SLC6A15: variants seen among roughly 807,000 people sequenced by gnomAD.
SLC6A15 encodes solute carrier family 6 member 15.
A neutral mutation model predicts 68.5 loss-of-function variants in SLC6A15; 33 were observed. The observed-to-expected ratio is 0.48, with a 90% CI of 0.37 to 0.64. The LOEUF (loss-of-function observed/expected upper bound fraction) is 0.64, where lower values mean the gene tolerates loss of function less well. Ranked by LOEUF, SLC6A15 falls within the 30% of genes least tolerant of loss-of-function variation. The pLI is 0.00. For missense variants in SLC6A15, 747 were observed against 874.3 expected (o/e 0.85, Z 1.84); for synonymous variants, 347 against 301.0 (o/e 1.15, Z -1.58).
chr12:84,899,643 C>T (rs1353487434), intron 1 of SLC6A15, among the ~76,000 whole-genome samples: 3 of 152,112 alleles, frequency 2.0e-5, no homozygotes, highest in Non-Finnish European at 4.4e-5. Context: ...CAAAGAACCC[C>T]AAATGGCTTA....
rs1872144069 is a variant in SLC6A15, at chr12:84,887,068, G to C, written c.290-1000C>G. Among the ~76,000 whole-genome samples the C allele has an allele frequency of 2.0e-5, 3 of 152,082 alleles. No homozygotes were observed. The South Asian group carries it at 6.2e-4, about 32-fold the overall frequency. On this transcript the variant is annotated intron_variant, in intron 2 of 11. Coordinates refer to ENST00000266682, the MANE Select transcript of SLC6A15 (RefSeq NM_182767.6). ...AGGGATCTTCCCACCTCAGCCTGTG[G>C]AGGTCGTTCCTACATGAGGCTACAT...
intron 10 of SLC6A15, among the ~76,000 whole-genome samples, chr12:84,865,653 G>A (rs1226269097): frequency 2.0e-5 from 3 of 152,158 alleles, no homozygotes; most frequent in Admixed American, 2.0e-4. Flanking sequence ...AACTGCTGAT[G>A]TTTTTACTGT....
At chr12:84,889,187 T>A (rs1351062230) in intron 2 of SLC6A15, among the ~76,000 whole-genome samples, 2 of 152,132 alleles carry the variant, frequency 1.3e-5, no homozygotes, top group Non-Finnish European at 2.9e-5. Context: ...ATACTTCAGG[T>A]AATCTAAGCA....
intron 6 of SLC6A15, chr12:84,874,387 C>T (rs1871422784): frequency 6.6e-6 from 1 of 152,168 alleles, no homozygotes; most frequent in South Asian, 2.1e-4. Context: ...GCATACACAC[C>T]GGTAAGCATT....
At chr12:84,891,496 T>C (rs1431452991) in intron 2 of SLC6A15, among the ~76,000 whole-genome samples, 1 of 152,182 alleles carries the variant, frequency 6.6e-6, no homozygotes, top group Non-Finnish European at 1.5e-5. Context: ...TCAGAAGCTT[T>C]AGGTTATTCT....
chr12:84,895,055 C>T (rs1872580813), intron 1 of SLC6A15, among the ~76,000 whole-genome samples: 2 of 151,978 alleles, frequency 1.3e-5, no homozygotes, highest in South Asian at 4.1e-4. Flanking sequence ...TATCTAAGCT[C>T]TCTTTTCTTA....
chr12:84,880,137 T>C (rs1335475861), intron 5 of SLC6A15, among the ~76,000 whole-genome samples: 1 of 152,116 alleles, frequency 6.6e-6, no homozygotes, highest in Non-Finnish European at 1.5e-5. Context: ...GAAAAATAAG[T>C]CAATATTTCA....
chr12:84,884,248 T>C (rs542644918), intron 4 of SLC6A15, among the ~76,000 whole-genome samples: 1 of 152,316 alleles, frequency 6.6e-6, no homozygotes, highest in South Asian at 2.1e-4. Flanking sequence ...TATGCAGTCC[T>C]GCAGTAAGAA....
At chr12:84,877,912 C>T (rs919607743) in intron 5 of SLC6A15, among the ~76,000 whole-genome samples, 1 of 152,132 alleles carries the variant, frequency 6.6e-6, no homozygotes, top group African/African-American at 2.4e-5. Context: ...CCATATCTCA[C>T]ACACCTAACA....
At position 84,870,565 on chromosome 12, in the gene SLC6A15, G is replaced by T; in HGVS notation, c.1408C>A (p.Leu470Ile). The change falls in exon 9 of 12, where the codon CTA (leucine) becomes ATA (isoleucine). Residue 470 changes from leucine (L) to isoleucine (I), a missense_variant. Transcript: ENST00000266682. ...GTTCCAAACATACTGCCAAGGCCTAGATTGACCAGCATGAGGAAAAACATC... is the reference window on the plus strand; with the variant it reads ...GTTCCAAACATACTGCCAAGGCCTATATTGACCAGCATGAGGAAAAACATC... ...SVMFFLMLVN[L>I]GLGSMFGTIE... is the part of the protein sequence containing the mutation. The T allele has an allele frequency of 1.2e-6, 2 of 1,612,786 alleles. No homozygotes were observed. The highest frequency in any genetic ancestry group is 1.7e-6 in the Non-Finnish European group (2 of 1,179,366).
At chr12:84,888,439 G>A (rs1319777670) in intron 2 of SLC6A15, among the ~76,000 whole-genome samples, 2 of 152,050 alleles carry the variant, frequency 1.3e-5, no homozygotes, top group East Asian at 1.9e-4. Context: ...CCATAAAAAG[G>A]AACAAAATAA....
At chr12:84,873,656 A>G (rs1442610675) in intron 6 of SLC6A15, among the ~76,000 whole-genome samples, 2 of 152,184 alleles carry the variant, frequency 1.3e-5, no homozygotes, top group African/African-American at 2.4e-5. Flanking sequence ...ATCATTTCCC[A>G]TTATGTCTTT....
intron 1 of SLC6A15, among the ~76,000 whole-genome samples, chr12:84,901,287 T>C (rs1002243426): frequency 2.6e-5 from 4 of 151,734 alleles, no homozygotes; most frequent in Non-Finnish European, 5.9e-5. Flanking sequence ...TTCATTTCAT[T>C]GATATACAGC....
intron 1 of SLC6A15, among the ~76,000 whole-genome samples, chr12:84,903,395 TA>T (rs1565733839): frequency 6.6e-6 from 1 of 151,890 alleles, no homozygotes; most frequent in Non-Finnish European, 1.5e-5. Context: ...TAACAAAAAA[TA>T]AAATAAAATA....
At position 84,861,586 on chromosome 12, in the gene SLC6A15, C is replaced by A; in HGVS notation, c.*46G>T. On this transcript the variant is annotated 3_prime_UTR_variant, in exon 12 of 12. Coordinates refer to ENST00000266682, the MANE Select transcript of SLC6A15 (RefSeq NM_182767.6). ...TGCTTCTCCTACTAGGGCCAATGTT[C>A]ATTGGTAAAAATGAACCAAATAAAA... is the stretch of plus-strand genomic sequence containing the variant. 1.9e-6 allele frequency: 3 copies of A among 1,545,146 alleles called. No individual in the cohort carries two copies. The highest frequency in any genetic ancestry group is 2.6e-6 in the Non-Finnish European group (3 of 1,144,958).
chr12:84,890,630 T>C (rs566534943), intron 2 of SLC6A15, among the ~76,000 whole-genome samples: 67 of 152,342 alleles, frequency 4.4e-4, no homozygotes, highest in African/African-American at 1.2e-3. Flanking sequence ...TGGACTACTT[T>C]TTCCAAACCT....
At chr12:84,864,722 G>GA (rs1241036150) in intron 10 of SLC6A15, among the ~76,000 whole-genome samples, 1 of 152,042 alleles carries the variant, frequency 6.6e-6, no homozygotes, top group South Asian at 2.1e-4. Flanking sequence ...CTGCCCTTTA[G>GA]AAAAAATATG....
chr12:84,890,150 A>G (rs1438112400), intron 2 of SLC6A15, among the ~76,000 whole-genome samples: 1 of 152,200 alleles, frequency 6.6e-6, no homozygotes, highest in Non-Finnish European at 1.5e-5. Context: ...TTGGTATTTT[A>G]TAATATGTAC....
At position 84,872,643 on chromosome 12, in the gene SLC6A15, G is replaced by A; in HGVS notation, c.1261C>T (p.Leu421Phe). ...TCAATTTTACAGGAATTGAGATGAA[G>A]AGCAGGAAACTCTTCTTCTTTCACT... ...QKVKEEEFPA[L>F]HLNSCKIEEE... Residue 421 changes from leucine (L) to phenylalanine (F), a missense_variant, in exon 8 of 12, where the codon CTT becomes TTT. Leu to Phe is a conservative substitution (Grantham distance 22, BLOSUM62 0). Coordinates refer to ENST00000266682, the MANE Select transcript of SLC6A15 (RefSeq NM_182767.6). 6.2e-7 allele frequency: 1 copy of A among 1,610,228 alleles called. No homozygotes were observed. The highest frequency in any genetic ancestry group is 8.5e-7 in the Non-Finnish European group (1 of 1,179,220).
Sources: allele counts gnomAD v4.1 joint callset (sites outside exome capture counted in the v4.1 genomes callset), GRCh38; gene constraint gnomAD v4.1.1; transcripts MANE v1.5; gene names NCBI Gene and HGNC (gene_info 2026-07-23, HGNC 2026-07-21).